The following C10orf90 variants were observed in gnomAD, a reference collection of about 807,000 sequenced individuals.
The protein encoded by C10orf90 is chromosome 10 open reading frame 90.
Under a neutral mutation model 62.5 loss-of-function variants are expected in C10orf90, and 56 were observed. The ratio of observed to expected loss-of-function variants is 0.90; its 90% CI spans 0.72 to 1.12. C10orf90 has a LOEUF of 1.12. Among genes scored for constraint, C10orf90 ranks in the 50% most tolerant of loss-of-function variants. C10orf90 has a pLI of 0.00. For synonymous variants in C10orf90, 386 were observed against 340.4 expected (o/e 1.13, Z -1.47); for missense variants, 970 against 880.4 (o/e 1.10, Z -1.29).
At position 126,504,705 on chromosome 10, in the gene C10orf90, G is replaced by A; in HGVS notation, c.786C>T (p.Pro262=). The A allele has an allele frequency of 3.1e-6, 5 of 1,611,112 alleles. No homozygotes were observed. Among genetic ancestry groups the A allele is most frequent in the Non-Finnish European group, 4.2e-6 (5 of 1,178,062 alleles). ...VWGTAGDSLC[P]KCRAEDTLFQ... ...ACAGTGTGTCCTCAGCCCTGCACTT[G>A]GGGCACAGAGAGTCCCCAGCAGTCC... Residue 262 remains proline (P), a synonymous_variant, in exon 4 of 10, where the codon CCC becomes CCT. Transcript: ENST00000488181. This position sits in a 1 kb window ranked among gnomAD's most constrained non-coding sequence, Gnocchi z 4.1.
At chr10:126,651,263 C>T (rs939977364) in intron 1 of C10orf90, among the ~76,000 whole-genome samples, 1 of 152,156 alleles carries the variant, frequency 6.6e-6, no homozygotes, top group Non-Finnish European at 1.5e-5. Flanking sequence ...TGCTAACATG[C>T]ATAAAGCTCT....
chr10:126,624,950 T>C (rs770209242), intron 2 of C10orf90, among the ~76,000 whole-genome samples: 2 of 152,218 alleles, frequency 1.3e-5, no homozygotes, highest in Admixed American at 6.5e-5. Flanking sequence ...GCCCTTGCCC[T>C]CAGAGAGCGG....
intron 2 of C10orf90, among the ~76,000 whole-genome samples, chr10:126,602,248 G>C (rs933814856): frequency 6.6e-6 from 1 of 152,214 alleles, no homozygotes; most frequent in South Asian, 2.1e-4. Flanking sequence ...CAATAGGGTT[G>C]CTGGATGCAC....
chr10:126,438,107 C>T (rs536857359), intron 7 of C10orf90, among the ~76,000 whole-genome samples: 52 of 152,302 alleles, frequency 3.4e-4, no homozygotes, highest in African/African-American at 1.2e-3. Context: ...GGGGTACACA[C>T]ACGGAGACAG....
chr10:126,648,759 C>T (rs182539725), intron 1 of C10orf90, among the ~76,000 whole-genome samples: 12 of 152,310 alleles, frequency 7.9e-5, no homozygotes, highest in Non-Finnish European at 1.5e-4. Context: ...CAGAGAGAAA[C>T]TGGCATAGTG....
chr10:126,555,082 G>A lies in C10orf90; in HGVS notation c.314-41143C>T, dbSNP rs372030832. On this transcript the variant is annotated intron_variant, in intron 2 of 9. Transcript: ENST00000488181. Reference sequence around the variant, plus strand: ...AGGAGTAACTTCTCAGAGATGTGGCGTCTGCACATTATCAGTAGGACTCCA... The same window carrying A: ...AGGAGTAACTTCTCAGAGATGTGGCATCTGCACATTATCAGTAGGACTCCA... 7.9e-5 allele frequency among the ~76,000 whole-genome samples: 12 copies of A among 152,246 alleles called. No individual in the cohort carries two copies. The South Asian group carries it at 1.0e-3, about 13-fold the overall frequency.
At chr10:126,606,115 G>A (rs1845305771) in intron 2 of C10orf90, among the ~76,000 whole-genome samples, 1 of 152,168 alleles carries the variant, frequency 6.6e-6, no homozygotes, top group Non-Finnish European at 1.5e-5. Context: ...CTGTCCCACT[G>A]CACCCTGGGA....
At chr10:126,573,830 T>G (rs901713167) in intron 2 of C10orf90, among the ~76,000 whole-genome samples, 25 of 152,114 alleles carry the variant, frequency 1.6e-4, no homozygotes, top group African/African-American at 5.5e-4. Flanking sequence ...GCTCTAACTT[T>G]GCTTTTTTTT....
chr10:126,480,962 C>T (rs974534307), intron 4 of C10orf90, among the ~76,000 whole-genome samples: 4 of 151,930 alleles, frequency 2.6e-5, no homozygotes, highest in Non-Finnish European at 4.4e-5. Flanking sequence ...CTGGTGTGAT[C>T]GGGCCTCTGC....
At chr10:126,477,126 T>C (rs1860931620) in intron 4 of C10orf90, among the ~76,000 whole-genome samples, 1 of 111,800 alleles carries the variant, frequency 8.9e-6, no homozygotes, top group African/African-American at 3.6e-5. Context: ...TTTGGATTTT[T>C]GGAGCAATGT....
intron 2 of C10orf90, among the ~76,000 whole-genome samples, chr10:126,552,850 G>A (rs1301948317): frequency 2.0e-5 from 3 of 152,152 alleles, no homozygotes; most frequent in Non-Finnish European, 2.9e-5. Flanking sequence ...TATATCTTAG[G>A]GTTATGAGAA....
At chr10:126,487,815 A>C (rs1861520246) in intron 4 of C10orf90, among the ~76,000 whole-genome samples, 1 of 152,202 alleles carries the variant, frequency 6.6e-6, no homozygotes, top group South Asian at 2.1e-4. Flanking sequence ...TATAAAAGGA[A>C]AGTCCAATTT....
chr10:126,582,569 T>C (rs1318182650), intron 2 of C10orf90, among the ~76,000 whole-genome samples: 1 of 152,200 alleles, frequency 6.6e-6, no homozygotes, highest in Admixed American at 6.5e-5. Flanking sequence ...TCCATTGTAA[T>C]GTCTGTGGTT....
intron 4 of C10orf90, among the ~76,000 whole-genome samples, chr10:126,486,148 G>C (rs1861426664): frequency 6.6e-6 from 1 of 152,068 alleles, no homozygotes; most frequent in South Asian, 2.1e-4. Context: ...ACTAAACATG[G>C]GACCTGAGAA....
At chr10:126,596,388 AC>A (rs1454958412) in intron 2 of C10orf90, among the ~76,000 whole-genome samples, 13 of 151,890 alleles carry the variant, frequency 8.6e-5, no homozygotes, top group African/African-American at 2.7e-4. Context: ...AAAAAAAAAA[AC>A]AACAACAAAC....
rs1448439846 is a variant in C10orf90 at position 126,456,850 on chromosome 10, G to T, written c.2188+2190C>A. ...GGATTGCAGGAAGCCGCCAGGAGCA[G>T]GGAGGGAGGCTGGACACGGGATTGA... On this transcript the variant is annotated intron_variant, in intron 7 of 9. Transcript: ENST00000488181. The surrounding 1 kb of genome is among the most constrained non-coding windows in gnomAD (Gnocchi z 4.9). Among the ~76,000 whole-genome samples, 1 of 152,228 alleles carries T rather than the reference G, an allele frequency of 6.6e-6. No individual in the cohort carries two copies. The highest frequency in any genetic ancestry group is 2.4e-5 in the African/African-American group (1 of 41,458).
chr10:126,616,457 A>C (rs2842161), intron 2 of C10orf90, among the ~76,000 whole-genome samples: 60,331 of 152,014 alleles, frequency 0.4, 13,442 homozygotes, highest in African/African-American at 0.61. Context: ...TCCAGAGAGC[A>C]TTGCTACCAA....
chr10:126,482,805 G>C (rs1861232725), intron 4 of C10orf90, among the ~76,000 whole-genome samples: 1 of 152,192 alleles, frequency 6.6e-6, no homozygotes, highest in Admixed American at 6.5e-5. Context: ...AGATGATCAG[G>C]CTTTCTCTGA....
intron 2 of C10orf90, among the ~76,000 whole-genome samples, chr10:126,627,991 A>T (rs780463602): frequency 1.3e-5 from 2 of 152,216 alleles, no homozygotes; most frequent in Non-Finnish European, 2.9e-5. Context: ...TTGTTCTTTT[A>T]ATCTCGAAAG....
Sources: allele counts gnomAD v4.1 joint callset (sites outside exome capture counted in the v4.1 genomes callset), GRCh38; gene constraint gnomAD v4.1.1; non-coding constraint Gnocchi (gnomAD v3.1); transcripts MANE v1.5; gene names NCBI Gene and HGNC (gene_info 2026-07-23, HGNC 2026-07-21).